Variants in ALLC observed in about 807,000 individuals in gnomAD.
ALLC encodes probable inactive allantoicase.
A neutral mutation model predicts 45.0 loss-of-function variants in ALLC; 40 were observed. The observed-to-expected ratio is 0.89, with a 90% confidence interval of 0.69 to 1.16. The LOEUF is 1.16. Ranked by LOEUF, ALLC falls within the 50% of genes most tolerant of loss-of-function variation. The pLI, the probability that ALLC is intolerant of heterozygous loss-of-function variation, is 0.00. For synonymous variants in ALLC, 176 were observed against 178.1 expected (o/e 0.99, Z 0.09); for missense variants, 488 against 493.1 (o/e 0.99, Z 0.10).
chr2:3,676,952 T>A (rs1423562677), intron 3 of ALLC, among the ~76,000 whole-genome samples: 1 of 151,982 alleles, frequency 6.6e-6, no homozygotes, highest in Non-Finnish European at 1.5e-5. Flanking sequence ...CACGCCCAGC[T>A]AATTTTTGTA....
chr2:3,668,654 C>T (rs1207692723), intron 1 of ALLC, among the ~76,000 whole-genome samples: 1 of 146,004 alleles, frequency 6.8e-6, no homozygotes, highest in Non-Finnish European at 1.5e-5. Flanking sequence ...CGGCTCACCG[C>T]AAACTCCGCC....
intron 11 of ALLC, 55 bp from the exon 12 acceptor site, chr2:3,702,308 C>G (rs904735525): frequency 3.3e-5 from 50 of 1,520,734 alleles, no homozygotes; most frequent in Admixed American, 1.1e-4. Flanking sequence ...TGGGCTCATT[C>G]GGCCACACAT....
intron 7 of ALLC, among the ~76,000 whole-genome samples, chr2:3,690,267 C>T (rs568464725): frequency 5.4e-4 from 3 of 5,556 alleles, no homozygotes; most frequent in African/African-American, 3.5e-3. Flanking sequence ...CCCTTCCCTC[C>T]CCCCTCCCCT....
At chr2:3,649,099 C>G in the ALLC span, among the ~76,000 whole-genome samples, 1 of 152,160 alleles carries the variant, frequency 6.6e-6, no homozygotes, top group African/African-American at 2.4e-5. Flanking sequence ...GTCATAGGTT[C>G]TTGGAAATGG....
intron 3 of ALLC, among the ~76,000 whole-genome samples, chr2:3,676,527 G>A (rs906620511): frequency 6.6e-6 from 1 of 151,904 alleles, no homozygotes; most frequent in African/African-American, 2.4e-5. Context: ...GATTACAGGC[G>A]TGAGCCACCG....
intron 9 of ALLC, 137 bp downstream of exon 9, chr2:3,696,485 T>G (rs1177460444): frequency 1.7e-5 from 11 of 656,060 alleles, no homozygotes; most frequent in Admixed American, 3.4e-5. Flanking sequence ...TGATTTATAT[T>G]TTCCAAATTT....
At chr2:3,662,511 G>C (rs540546908) in intron 1 of ALLC, among the ~76,000 whole-genome samples, 1 of 152,384 alleles carries the variant, frequency 6.6e-6, no homozygotes, top group African/African-American at 2.4e-5. Context: ...ATTAGTGGCT[G>C]ATGAGATATA....
At chr2:3,648,908 G>C in the ALLC span, among the ~76,000 whole-genome samples, 1 of 152,286 alleles carries the variant, frequency 6.6e-6, no homozygotes, top group Admixed American at 6.5e-5. Flanking sequence ...CTCCCACTGG[G>C]GCCTTGTGAG....
the ALLC span, among the ~76,000 whole-genome samples, chr2:3,649,538 G>A: frequency 1.3e-5 from 2 of 152,214 alleles, no homozygotes; most frequent in Admixed American, 6.5e-5. Flanking sequence ...ACCGCGCCCG[G>A]CCCCCAAACA....
the ALLC span, among the ~76,000 whole-genome samples, chr2:3,648,715 A>G: frequency 6.6e-6 from 1 of 152,054 alleles, no homozygotes; most frequent in Non-Finnish European, 1.5e-5. Context: ...CTCTGCTCCA[A>G]CACCAACCCC....
intron 3 of ALLC, among the ~76,000 whole-genome samples, chr2:3,674,459 C>T (rs1311531109): frequency 2.0e-5 from 3 of 152,084 alleles, no homozygotes. Context: ...AATGTTTTAC[C>T]TGCCTAATTA....
chr2:3,665,306 G>T (rs1206620686), intron 1 of ALLC, among the ~76,000 whole-genome samples: 1 of 151,192 alleles, frequency 6.6e-6, no homozygotes, highest in Admixed American at 6.6e-5. Context: ...GAGTTGAAGT[G>T]TTTTTTTTTA....
intron 1 of ALLC, among the ~76,000 whole-genome samples, chr2:3,666,914 C>G (rs1666741039): frequency 6.6e-6 from 1 of 152,188 alleles, no homozygotes; most frequent in African/African-American, 2.4e-5. Context: ...CCGCAGGTGC[C>G]TAGGGAGCAC....
chr2:3,662,168 G>C (rs2147991670), intron 1 of ALLC, among the ~76,000 whole-genome samples: 1 of 152,348 alleles, frequency 6.6e-6, no homozygotes, highest in East Asian at 1.9e-4. Flanking sequence ...GCCAGAGAAA[G>C]TCGCCTGCTT....
the ALLC span, among the ~76,000 whole-genome samples, chr2:3,651,314 GGGGGGGGTGT>G: frequency 8.1e-4 from 4 of 4,922 alleles, no homozygotes; most frequent in African/African-American, 9.1e-4. Context: ...GTGGGTGGGT[GGGGGGGGTGT>G]GTGTGTGTGT....
chr2:3,668,225 A>G (rs548705303), intron 1 of ALLC, among the ~76,000 whole-genome samples: 1 of 152,138 alleles, frequency 6.6e-6, no homozygotes, highest in Non-Finnish European at 1.5e-5. Context: ...GTCAGGCAAA[A>G]GCTTGGAGGG....
intron 4 of ALLC, 43 bp from the exon 5 acceptor site, chr2:3,679,826 T>C: frequency 6.2e-7 from 1 of 1,610,006 alleles, no homozygotes; most frequent in South Asian, 1.1e-5. Flanking sequence ...GCATCTGCTG[T>C]GTTGGCCCTA....
intron 1 of ALLC, among the ~76,000 whole-genome samples, chr2:3,658,581 A>G (rs1406935256): frequency 6.6e-6 from 1 of 152,078 alleles, no homozygotes; most frequent in Non-Finnish European, 1.5e-5. Context: ...AAAAAAATCT[A>G]AAGAGGCTGG....
the ALLC span, among the ~76,000 whole-genome samples, chr2:3,652,905 A>G: frequency 6.6e-6 from 1 of 152,154 alleles, no homozygotes; most frequent in Admixed American, 6.5e-5. Context: ...TTTAAATAAT[A>G]ACCATCCATT....
Sources: allele counts gnomAD v4.1 joint callset (sites outside exome capture counted in the v4.1 genomes callset), GRCh38; gene constraint gnomAD v4.1.1; transcripts MANE v1.5; gene names NCBI Gene and HGNC (gene_info 2026-07-23, HGNC 2026-07-21).